The following INTS6 variants were observed in gnomAD, a reference collection of about 807,000 sequenced individuals.
INTS6 encodes integrator complex subunit 6.
A neutral mutation model predicts 104.9 loss-of-function variants in INTS6; 16 were observed. The ratio of observed to expected loss-of-function variants is 0.15; its 90% CI spans 0.10 to 0.23. The LOEUF (loss-of-function observed/expected upper bound fraction) is 0.23. Among genes scored for constraint, INTS6 ranks in the 10% least tolerant of loss-of-function variants. INTS6 has a pLI of 1.00. For synonymous variants in INTS6, 324 were observed against 358.7 expected (o/e 0.90, Z 1.09); for missense variants, 584 against 1,062.8 (o/e 0.55, Z 6.26).
At chr13:51,451,918 G>A (rs1953063627) in intron 2 of INTS6, 60 bp downstream of exon 2, 5 of 1,273,240 alleles carry the variant, frequency 3.9e-6, no homozygotes, top group Non-Finnish European at 5.6e-6. Context: ...GGGCGGGGAG[G>A]GCGAGCGAGG....
intron 4 of INTS6, among the ~76,000 whole-genome samples, chr13:51,404,932 T>C (rs1264298544): frequency 8.2e-6 from 1 of 122,448 alleles, no homozygotes; most frequent in Non-Finnish European, 1.7e-5. Context: ...ACATTACACA[T>C]TGTAATCTTC....
rs535620023 is a variant in INTS6, at chr13:51,421,556, C to T, written c.429+8738G>A. The stretch of plus-strand genomic sequence containing the variant: ...AAAAGTCTAAAAAGTTTAATATCTA[C>T]AGTATTACATCTGAAAAGAACAAGT... On this transcript the variant is annotated intron_variant, in intron 4 of 17. Transcript: ENST00000311234. 1.1e-3 allele frequency among the ~76,000 whole-genome samples: 164 copies of T among 152,148 alleles called. 1 individual carries two copies. Among genetic ancestry groups the T allele is most frequent in the Non-Finnish European group, 1.9e-3 (126 of 67,974 alleles).
At chr13:51,374,479 C>T (rs1955876899) in intron 14 of INTS6, 40 bp from the exon 15 acceptor site, 1 of 1,553,082 alleles carries the variant, frequency 6.4e-7, no homozygotes, top group Non-Finnish European at 8.8e-7. Flanking sequence ...AATTTACAAA[C>T]AATGTTTAAA....
chr13:51,377,889 C>T (rs1056132685), intron 12 of INTS6, among the ~76,000 whole-genome samples: 4 of 152,050 alleles, frequency 2.6e-5, no homozygotes, highest in Non-Finnish European at 5.9e-5. Context: ...TGAGTACTCA[C>T]AAAGCATTTT....
At chr13:51,434,197 A>C (rs1378825369) in intron 3 of INTS6, among the ~76,000 whole-genome samples, 1 of 152,198 alleles carries the variant, frequency 6.6e-6, no homozygotes, top group East Asian at 1.9e-4. Context: ...CTATTCCTTT[A>C]CTTGGTAGAT....
At chr13:51,448,744 T>C (rs1348015092) in intron 3 of INTS6, 1 of 152,210 alleles carries the variant, frequency 6.6e-6, no homozygotes, top group African/African-American at 2.4e-5. Flanking sequence ...TTCTATAAAA[T>C]ATATACGTTC....
intron 3 of INTS6, chr13:51,445,441 A>T (rs1952892957): frequency 6.6e-6 from 1 of 152,238 alleles, no homozygotes; most frequent in South Asian, 2.1e-4. Context: ...AAAAAAATAG[A>T]AAACTAGAGG....
In INTS6 at chr13:51,375,998, AC is replaced by A; in HGVS notation, c.1729+49del. Reference sequence around the variant, plus strand: ...ACATCACCATGCTATGCTTTTTCAGACTATAAAGAAAAAAAATTAAAAATAC... The same window carrying A: ...ACATCACCATGCTATGCTTTTTCAGATATAAAGAAAAAAAATTAAAAATAC... On this transcript the variant is annotated intron_variant, in intron 13 of 17. Coordinates refer to ENST00000311234, the MANE Select transcript of INTS6 (RefSeq NM_012141.3). 5 of 1,487,714 alleles carry A rather than the reference AC, an allele frequency of 3.4e-6. No homozygotes were observed. The African/African-American group carries it at 5.6e-5, about 17-fold the overall frequency. The allele number at this position is 1,487,714 out of a possible 1,614,324, so 92.2% of individuals were successfully genotyped here.
intron 12 of INTS6, 53 bp from the exon 13 acceptor site, chr13:51,376,227 AG>A (rs1955928071): frequency 2.0e-6 from 3 of 1,475,976 alleles, no homozygotes; most frequent in Admixed American, 4.0e-5. Context: ...GAATTACAAG[AG>A]ACTAAAATCT....
chr13:51,432,818 C>T (rs948358508), intron 3 of INTS6, among the ~76,000 whole-genome samples: 1 of 152,136 alleles, frequency 6.6e-6, no homozygotes, highest in Non-Finnish European at 1.5e-5. Context: ...TCTACTCATT[C>T]GTGTTGGCCA....
At position 51,417,577 on chromosome 13, in the gene INTS6, C is replaced by G. The variant is rs1208031035; in HGVS notation, c.429+12717G>C. On this transcript the variant is annotated intron_variant, in intron 4 of 17. Coordinates refer to ENST00000311234, the MANE Select transcript of INTS6 (RefSeq NM_012141.3). The stretch of plus-strand genomic sequence containing the variant: ...TCAAGCCATTCTCCTGTCTCAGCCT[C>G]CCGAGTAGCTGGGATTACAAGCGCA... 3.3e-5 allele frequency among the ~76,000 whole-genome samples: 5 copies of G among 151,636 alleles called. No individual in the cohort carries two copies. The East Asian group carries it at 9.7e-4, about 29-fold the overall frequency.
chr13:51,389,205 G>T, intron 6 of INTS6, 114 bp downstream of exon 6: 3 of 1,024,404 alleles, frequency 2.9e-6, no homozygotes, highest in Non-Finnish European at 4.3e-6. Context: ...CAGCCTTTCT[G>T]TCTTAATAAT....
chr13:51,354,362 T>C (rs1382131724), intron 3 of INTS6: 1 of 152,178 alleles, frequency 6.6e-6, no homozygotes, highest in East Asian at 1.9e-4. Flanking sequence ...AATAATAACA[T>C]AGTTATATGA....
At chr13:51,341,025 T>C in the INTS6 span, 1 of 1,569,454 alleles carries the variant, frequency 6.4e-7, no homozygotes, top group Non-Finnish European at 8.7e-7. Context: ...ATGGCCCTCT[T>C]TCATCACCAG....
At chr13:51,361,456 A>G (rs569772580), downstream of INTS6, 2 of 830,084 alleles carry the variant, frequency 2.4e-6, no homozygotes, top group Admixed American at 2.2e-5. Context: ...GAATCTTTCC[A>G]TAACCCCCAA....
chr13:51,435,637 A>G (rs957578440), intron 3 of INTS6, among the ~76,000 whole-genome samples: 20 of 152,222 alleles, frequency 1.3e-4, no homozygotes, highest in African/African-American at 4.8e-4. Context: ...TACTAAGAAA[A>G]GGTAATTTCC....
At chr13:51,344,196 G>C in the INTS6 span, 1 of 1,301,480 alleles carries the variant, frequency 7.7e-7, no homozygotes, top group Non-Finnish European at 1.1e-6. Flanking sequence ...TGGAGGTTGT[G>C]CTAACTCCTT....
the INTS6 span, among the ~76,000 whole-genome samples, chr13:51,347,760 C>T: frequency 6.6e-6 from 1 of 152,168 alleles, no homozygotes; most frequent in African/African-American, 2.4e-5. Flanking sequence ...ATGAACCATC[C>T]CTTTGTCCAG....
intron 3 of INTS6, chr13:51,449,984 T>C: frequency 1.0e-6 from 1 of 985,338 alleles, no homozygotes; most frequent in South Asian, 4.7e-5. Flanking sequence ...ACTGAAGTTA[T>C]CCCTAAGAAG....
Sources: allele counts gnomAD v4.1 joint callset (sites outside exome capture counted in the v4.1 genomes callset), GRCh38; gene constraint gnomAD v4.1.1; transcripts MANE v1.5; gene names NCBI Gene and HGNC (gene_info 2026-07-23, HGNC 2026-07-21).